Variants in DCAF8L2 observed in about 807,000 individuals in gnomAD.
DCAF8L2 encodes DDB1- and CUL4-associated factor 8-like protein 2.
For synonymous variants in DCAF8L2, 200 were observed against 190.9 expected (o/e 1.05, Z -0.39); for missense variants, 430 against 490.7 (o/e 0.88, Z 1.17).
intron 4 of DCAF8L2, among the ~76,000 whole-genome samples, chrX:27,716,395 T>G (rs1931703739): frequency 8.9e-6 from 1 of 112,503 alleles, no homozygotes; most frequent in South Asian, 3.7e-4. Context: ...GTCAGATACA[T>G]TTTCCCATTA....
chrX:27,570,532 G>A, the DCAF8L2 span, among the ~76,000 whole-genome samples: 1 of 111,556 alleles, frequency 9.0e-6, no homozygotes, highest in Non-Finnish European at 1.9e-5. Context: ...TTTCTGTCTG[G>A]CATGTGGATG....
intron 3 of DCAF8L2, 127 bp from the exon 4 acceptor site, chrX:27,715,961 T>C (rs1439003884): frequency 8.9e-6 from 1 of 112,663 alleles, no homozygotes; most frequent in Non-Finnish European, 1.9e-5. Context: ...AACCTTAAAC[T>C]TAAATTTGTT....
At chrX:27,468,953 G>A in the DCAF8L2 span, among the ~76,000 whole-genome samples, 1 of 111,900 alleles carries the variant, frequency 8.9e-6, no homozygotes, top group Non-Finnish European at 1.9e-5. Context: ...ATCCTGTTAT[G>A]TGTACACTGC....
At chrX:27,613,246 C>T (rs1175509335) in intron 1 of DCAF8L2, among the ~76,000 whole-genome samples, 3 of 111,171 alleles carry the variant, frequency 2.7e-5, no homozygotes, top group African/African-American at 9.8e-5. Context: ...ATTTGGCTCT[C>T]TGTTTGTCTG....
Position 27,737,467 on chromosome X carries a change from C to G in DCAF8L2, c.-58-9371C>G, listed in dbSNP as rs192638317. 1.2e-4 allele frequency among the ~76,000 whole-genome samples: 13 copies of G among 111,590 alleles called. No homozygotes were observed. In the East Asian group the frequency reaches 3.4e-3, roughly 29 times the overall value. ...AAAGTGAGTCTGAGCCAGAGGAGCA[C>G]GGGAATGCATACACAAGGGCCCAGA... On this transcript the variant is annotated intron_variant, in intron 4 of 4. Transcript: ENST00000451261.
intron 4 of DCAF8L2, among the ~76,000 whole-genome samples, chrX:27,718,973 T>C (rs1931795713): frequency 8.9e-6 from 1 of 111,915 alleles, no homozygotes; most frequent in African/African-American, 3.2e-5. Flanking sequence ...CAGGCACGCA[T>C]ATACACCCAC....
At chrX:27,661,976 A>C (rs1181034348) in intron 2 of DCAF8L2, among the ~76,000 whole-genome samples, 1 of 111,925 alleles carries the variant, frequency 8.9e-6, no homozygotes, top group African/African-American at 3.2e-5. Flanking sequence ...ATTTGGGAAA[A>C]TAGAATGCAA....
intron 3 of DCAF8L2, among the ~76,000 whole-genome samples, chrX:27,703,313 A>C (rs776818823): frequency 8.1e-5 from 9 of 111,215 alleles, no homozygotes; most frequent in Non-Finnish European, 1.5e-4. Context: ...ATTTTTGCAG[A>C]TATTGGCAAA....
intron 3 of DCAF8L2, among the ~76,000 whole-genome samples, chrX:27,687,177 C>G (rs1301103867): frequency 1.8e-5 from 2 of 111,479 alleles, no homozygotes; most frequent in African/African-American, 6.5e-5. Context: ...TCTTGTGTAG[C>G]CTATACATAT....
the DCAF8L2 span, among the ~76,000 whole-genome samples, chrX:27,471,527 G>A: frequency 9.0e-6 from 1 of 110,697 alleles, no homozygotes; most frequent in Admixed American, 9.7e-5. Flanking sequence ...AAGGGTTGCT[G>A]ACCAGACCTC....
chrX:27,690,010 A>G (rs1391734197), intron 3 of DCAF8L2, among the ~76,000 whole-genome samples: 1 of 111,954 alleles, frequency 8.9e-6, no homozygotes, highest in Non-Finnish European at 1.9e-5. Context: ...TATTCCATAT[A>G]ATTATATATG....
chrX:27,533,212 A>C, the DCAF8L2 span, among the ~76,000 whole-genome samples: 2 of 52,147 alleles, frequency 3.8e-5, no homozygotes, highest in Non-Finnish European at 8.9e-5. Flanking sequence ...GAAAGAAAGA[A>C]AGAAAGAAAG....
chrX:27,559,629 C>A, the DCAF8L2 span, among the ~76,000 whole-genome samples: 1 of 112,075 alleles, frequency 8.9e-6, no homozygotes, highest in Non-Finnish European at 1.9e-5. Context: ...ACCTCTGCCA[C>A]CGTGGCTACA....
chrX:27,547,823 C>CTCTCTCTCTCTCTCTCTCTCTCTT, the DCAF8L2 span, among the ~76,000 whole-genome samples: 2 of 94,574 alleles, frequency 2.1e-5, no homozygotes, highest in African/African-American at 4.1e-5. Flanking sequence ...CCCATTTGCT[C>CTCTCTCTCTCTCTCTCTCTCTCTT]TCTCTCTCTC....
chrX:27,623,030 T>G (rs1437285282), intron 1 of DCAF8L2, among the ~76,000 whole-genome samples: 1 of 112,310 alleles, frequency 8.9e-6, no homozygotes, highest in Non-Finnish European at 1.9e-5. Context: ...ACACTTTTGC[T>G]TAGAACAAGG....
At chrX:27,674,941 T>C (rs900351764) in intron 2 of DCAF8L2, among the ~76,000 whole-genome samples, 4 of 111,445 alleles carry the variant, frequency 3.6e-5, no homozygotes, top group Admixed American at 9.6e-5. Context: ...CCTGCCCTTT[T>C]TAACACCCAA....
chrX:27,482,274 A>C, the DCAF8L2 span, among the ~76,000 whole-genome samples: 1 of 111,678 alleles, frequency 9.0e-6, no homozygotes, highest in South Asian at 3.7e-4. Flanking sequence ...CTATGTTAAA[A>C]TTTTGGTATG....
chrX:27,518,825 G>A, the DCAF8L2 span: 1 of 526,967 alleles, frequency 1.9e-6, no homozygotes, highest in Non-Finnish European at 3.4e-6. Context: ...GATGCTTTGA[G>A]TCTGAATATT....
At chrX:27,564,206 A>AGCAGGGAG in the DCAF8L2 span, among the ~76,000 whole-genome samples, 71 of 111,027 alleles carry the variant, frequency 6.4e-4, no homozygotes, top group African/African-American at 2.1e-3. Flanking sequence ...AGTGTCAAGC[A>AGCAGGGAG]AAAGGGGGAA....
Sources: allele counts gnomAD v4.1 joint callset (sites outside exome capture counted in the v4.1 genomes callset), GRCh38; gene constraint gnomAD v4.1.1; transcripts MANE v1.5; gene names NCBI Gene and HGNC (gene_info 2026-07-23, HGNC 2026-07-21).